The following ERCC4 variants were observed in gnomAD, a reference collection of about 807,000 sequenced individuals.
The protein encoded by ERCC4 is ERCC excision repair 4, endonuclease catalytic subunit, also known as DNA repair endonuclease XPF.
In ERCC4, 65 loss-of-function variants were observed where a neutral mutation model predicts 76.9. The ratio of observed to expected loss-of-function variants is 0.84; its 90% confidence interval spans 0.69 to 1.04. The LOEUF is 1.04. ERCC4 is among the 50% of genes least tolerant of loss of function. The pLI, the probability that ERCC4 is intolerant of heterozygous loss-of-function variation, is 0.00. For synonymous variants in ERCC4, 463 were observed against 410.1 expected (o/e 1.13, Z -1.56); for missense variants, 1,214 against 1,128.2 (o/e 1.08, Z -1.09).
intron 2 of ERCC4, chr16:13,922,608 C>T (rs1056251331): frequency 9.6e-6 from 6 of 622,996 alleles, no homozygotes; most frequent in South Asian, 3.3e-5. Context: ...AGGCACAGTT[C>T]GTGCAGCAAA....
At chr16:13,944,612 T>C in intron 9 of ERCC4, 111 bp from the exon 10 acceptor site, 1 of 750,504 alleles carries the variant, frequency 1.3e-6, no homozygotes. Flanking sequence ...TTTTTGTTTT[T>C]CTCTTACTGC....
chr16:13,940,939 G>C (rs952411982), intron 9 of ERCC4, among the ~76,000 whole-genome samples: 2 of 152,208 alleles, frequency 1.3e-5, no homozygotes, highest in Non-Finnish European at 2.9e-5. Flanking sequence ...ATGGGAGGAA[G>C]ACAGCACCTG....
chr16:13,937,528 C>T (rs1352394065), intron 8 of ERCC4, among the ~76,000 whole-genome samples: 11 of 152,148 alleles, frequency 7.2e-5, no homozygotes, highest in Admixed American at 7.2e-4. Context: ...TTTACCTAAA[C>T]TCGTTTCTTC....
chr16:13,921,658 C>T (rs1262864419), intron 1 of ERCC4, among the ~76,000 whole-genome samples: 1 of 152,172 alleles, frequency 6.6e-6, no homozygotes, highest in Non-Finnish European at 1.5e-5. Context: ...GGAAAGGATT[C>T]CCTTGTTATC....
rs2141939686 is a variant in ERCC4, at chr16:13,921,890, T to C, written c.208-141T>C. On this transcript the variant is annotated intron_variant, in intron 1 of 10. Coordinates refer to ENST00000311895, the MANE Select transcript of ERCC4 (RefSeq NM_005236.3). The stretch of plus-strand genomic sequence containing the variant: ...ATGTAGACTGGTTGGCTGAAGTTAC[T>C]ATAAAGAAGTAACTTAGTGTGTATA... The C allele has an allele frequency of 9.5e-6, 6 of 629,040 alleles. No homozygotes were observed. The South Asian group carries it at 1.2e-4, about 12-fold the overall frequency. 39.0% of individuals were successfully genotyped at this position (629,040 alleles called of 1,614,324 possible).
intron 9 of ERCC4, among the ~76,000 whole-genome samples, chr16:13,939,391 A>G (rs2032369353): frequency 6.6e-6 from 1 of 152,140 alleles, no homozygotes; most frequent in African/African-American, 2.4e-5. Context: ...TAAATATTGT[A>G]ATAAGTAGAG....
intron 10 of ERCC4, 90 bp from the exon 11 acceptor site, chr16:13,947,524 G>T (rs2032537367): frequency 4.0e-6 from 5 of 1,264,094 alleles, no homozygotes; most frequent in Non-Finnish European, 5.8e-6. Flanking sequence ...ATCCATCAGA[G>T]TTAACAACAG....
At chr16:13,921,482 C>G (rs1302847488) in intron 1 of ERCC4, among the ~76,000 whole-genome samples, 1 of 152,140 alleles carries the variant, frequency 6.6e-6, no homozygotes, top group South Asian at 2.1e-4. Flanking sequence ...CTGTTTGATT[C>G]ATCTAGGTAT....
chr16:13,938,747 G>A (rs1030204944), intron 9 of ERCC4, among the ~76,000 whole-genome samples: 2 of 152,232 alleles, frequency 1.3e-5, no homozygotes, highest in Admixed American at 1.3e-4. Context: ...GTCAACCTGC[G>A]AGGACTGCCA....
chr16:13,933,907 T>C (rs986581949), intron 6 of ERCC4: 15 of 332,640 alleles, frequency 4.5e-5, no homozygotes, highest in African/African-American at 3.2e-4. Context: ...TGCTTATATA[T>C]AGTGTCACAG....
chr16:13,944,249 G>C (rs2032472748), intron 9 of ERCC4, among the ~76,000 whole-genome samples: 1 of 152,142 alleles, frequency 6.6e-6, no homozygotes, highest in Non-Finnish European at 1.5e-5. Flanking sequence ...CCCACCTGGA[G>C]TTTTTAACAT....
At chr16:13,933,165 A>G (rs2032216604) in intron 6 of ERCC4, 4 of 291,454 alleles carry the variant, frequency 1.4e-5, no homozygotes, top group South Asian at 8.4e-5. Context: ...GGTGACACCA[A>G]GATATGATCA....
In ERCC4 at chr16:13,930,920, A is replaced by C. The variant is rs370521022; in HGVS notation, c.973+30A>C. 6.8e-6 allele frequency: 10 copies of C among 1,479,658 alleles called. No individual in the cohort carries two copies. The African/African-American group carries it at 1.1e-4, about 16-fold the overall frequency. The allele number at this position is 1,479,658 out of a possible 1,614,324, so 91.7% of individuals were successfully genotyped here. A position where few individuals can be genotyped will look rare whatever the true frequency, so the allele number is the denominator to read the frequency against. On this transcript the variant is annotated intron_variant, in intron 5 of 10. Coordinates refer to ENST00000311895, the MANE Select transcript of ERCC4 (RefSeq NM_005236.3). The stretch of plus-strand genomic sequence containing the variant: ...GAGATTAAAATACTAATAATATTCT[A>C]AGAGCTGATTTGAATAAAGTGTTAG...
chr16:13,947,586 A>G (rs1431518779), intron 10 of ERCC4, 28 bp from the exon 11 acceptor site: 1 of 1,613,498 alleles, frequency 6.2e-7, no homozygotes, highest in East Asian at 2.2e-5. Flanking sequence ...GTTCTTCCCC[A>G]GTGACATTAC....
rs140252818 is a variant in ERCC4 at position 13,935,424 on chromosome 16, G to T, written c.1492G>T (p.Val498Leu). 14 of 1,613,648 alleles carry T rather than the reference G, an allele frequency of 8.7e-6. No homozygotes were observed. The African/African-American group carries it at 1.9e-4, about 22-fold the overall frequency. The change falls in exon 8 of 11, where the codon GTA becomes TTA. Residue 498 changes from valine (V) to leucine (L), a missense_variant. Val to Leu is a conservative substitution (Grantham distance 32). Transcript: ENST00000311895. ...ACGGAAGTTGACCTTAACTCAAATG[G>T]TAGGAAAACCTGAAGAACTGGAAGA... ...KKRKLTLTQM[V>L]GKPEELEEEG...
intron 2 of ERCC4, among the ~76,000 whole-genome samples, chr16:13,922,862 ATAAG>A (rs2032004921): frequency 6.6e-6 from 1 of 152,242 alleles, no homozygotes; most frequent in South Asian, 2.1e-4. Flanking sequence ...TGTGACCTGA[ATAAG>A]TAACTAAATG....
At chr16:13,934,343 A>G (rs748957175) in intron 7 of ERCC4, 41 bp downstream of exon 7, 15 of 1,272,120 alleles carry the variant, frequency 1.2e-5, no homozygotes, top group Admixed American at 1.7e-5. Context: ...TCCAAAATCT[A>G]TCAAATGAGT....
chr16:13,950,779 C>G lies in ERCC4; in HGVS notation c.*2432C>G, dbSNP rs978725678. ...TTCATTATATAAAAGGAACATCTTC[C>G]CATAGCATATTCTATGAAAGGGGTT... On this transcript the variant is annotated 3_prime_UTR_variant, in exon 11 of 11. Transcript: ENST00000311895. The G allele has an allele frequency of 3.6e-5, 7 of 193,554 alleles. No homozygotes were observed. The allele number at this position is 193,554 out of a possible 1,614,324, so 12.0% of individuals were successfully genotyped here.
chr16:13,948,471 C>T lies in ERCC4; in HGVS notation c.*124C>T, dbSNP rs1298777801. The T allele has an allele frequency of 3.4e-6, 4 of 1,188,990 alleles. No individual in the cohort carries two copies. Among genetic ancestry groups the T allele is most frequent in the East Asian group, 2.4e-5 (1 of 42,488 alleles). The allele number at this position is 1,188,990 out of a possible 1,614,324, so 73.7% of individuals were successfully genotyped here. ...TTTTCCAATGCTCTTAATGATTGTA[C>T]GGTGGACCAGAAGCCAGGATTCCTC... is the stretch of plus-strand genomic sequence containing the variant. On this transcript the variant is annotated 3_prime_UTR_variant, in exon 11 of 11. Transcript: ENST00000311895.
Sources: allele counts gnomAD v4.1 joint callset (sites outside exome capture counted in the v4.1 genomes callset), GRCh38; gene constraint gnomAD v4.1.1; transcripts MANE v1.5; gene names NCBI Gene and HGNC (gene_info 2026-07-23, HGNC 2026-07-21).